The following TOX4 variants were observed in gnomAD, a reference collection of about 807,000 sequenced individuals.
TOX4 encodes TOX high mobility group box family member 4.
A neutral mutation model predicts 61.0 loss-of-function variants in TOX4; 12 were observed. The ratio of observed to expected loss-of-function variants is 0.20; its 90% CI spans 0.13 to 0.32. The LOEUF (loss-of-function observed/expected upper bound fraction) is 0.32. Among genes scored for constraint, TOX4 ranks in the 10% least tolerant of loss-of-function variants. The pLI, the probability that TOX4 is intolerant of heterozygous loss-of-function variation, is 1.00. For missense variants in TOX4, 499 were observed against 753.3 expected (o/e 0.66, Z 3.95); for synonymous variants, 268 against 274.8 (o/e 0.98, Z 0.24).
In TOX4 at chr14:21,488,343, G is replaced by T. The variant is rs1004898172; in HGVS notation, c.319-247G>T. 1.2e-4 allele frequency: 57 copies of T among 470,094 alleles called. No homozygotes were observed. In the Middle Eastern group the frequency reaches 2.4e-3, roughly 19 times the overall value. The allele number at this position is 470,094 out of a possible 1,614,324, so 29.1% of individuals were successfully genotyped here. Reference sequence around the variant, plus strand: ...GAATAAGTTGATAGCTCTTTGACTTGTCCAACAGTGCGACTTCTCTGATTA... The same window carrying T: ...GAATAAGTTGATAGCTCTTTGACTTTTCCAACAGTGCGACTTCTCTGATTA... On this transcript the variant is annotated intron_variant, in intron 3 of 8. Transcript: ENST00000448790.
chr14:21,492,165 A>T (rs1162973382), intron 5 of TOX4, 131 bp from the exon 6 acceptor site: 3 of 843,094 alleles, frequency 3.6e-6, no homozygotes, highest in Non-Finnish European at 5.5e-6. Context: ...TCAGAATTGA[A>T]TTCACTGATA....
Position 21,488,584 on chromosome 14 carries a change from T to C in TOX4, c.319-6T>C. 1 of 1,610,748 alleles carries C rather than the reference T, an allele frequency of 6.2e-7. No individual in the cohort carries two copies. The highest frequency in any genetic ancestry group is 8.5e-7 in the Non-Finnish European group (1 of 1,177,040). ...AGTGTTTAATTAGTCCTTCTGCTTC[T>C]CTCAGGACTTGGACCACTCTATAGG... On this transcript the variant is annotated splice_region_variant and splice_polypyrimidine_tract_variant and intron_variant, in intron 3 of 8. Coordinates refer to ENST00000448790, the MANE Select transcript of TOX4 (RefSeq NM_014828.4).
rs201647076 is a variant in TOX4, at chr14:21,492,747, T to C, written c.1131T>C (p.Ser377=). ...TTATTACCAAACAAATGTTGCCCTC[T>C]TCTATTACTATGTCTCAAGGAGGGA... ...KLIITKQMLP[S]SITMSQGGMV... The change falls in exon 7 of 9, where the codon TCT becomes TCC. Residue 377 remains serine (S), a synonymous_variant. Transcript: ENST00000448790. 85 of 1,614,120 alleles carry C rather than the reference T, an allele frequency of 5.3e-5. No homozygotes were observed. The highest frequency in any genetic ancestry group is 7.0e-5 in the Non-Finnish European group (83 of 1,180,020).
At chr14:21,492,449 A>G (rs1891311042) in intron 6 of TOX4, 59 bp from the exon 7 acceptor site, 1 of 1,611,194 alleles carries the variant, frequency 6.2e-7, no homozygotes, top group Non-Finnish European at 8.5e-7. Context: ...AGCAGTTTTA[A>G]GAAGTAAATA....
intron 2 of TOX4, among the ~76,000 whole-genome samples, chr14:21,478,468 T>C (rs2139615102): frequency 6.6e-6 from 1 of 152,126 alleles, no homozygotes; most frequent in South Asian, 2.1e-4. Flanking sequence ...TTATGCTGTT[T>C]TAAAGTAGAA....
At position 21,482,586 on chromosome 14, in the gene TOX4, G is replaced by A. The variant is rs1029958308; in HGVS notation, c.76-4865G>A. The A allele has an allele frequency of 6.8e-5, 32 of 469,876 alleles. No homozygotes were observed. In the East Asian group the frequency reaches 2.0e-3, roughly 30 times the overall value. The allele number at this position is 469,876 out of a possible 1,614,324, so 29.1% of individuals were successfully genotyped here. On this transcript the variant is annotated intron_variant, in intron 2 of 8. Coordinates refer to ENST00000448790, the MANE Select transcript of TOX4 (RefSeq NM_014828.4). ...CAAAAAGGCCCAGGAATTGAACAAAGGAGGAAAGGAAAGCTAAGTTAGAAG... is the reference window on the plus strand; with the variant it reads ...CAAAAAGGCCCAGGAATTGAACAAAAGAGGAAAGGAAAGCTAAGTTAGAAG...
intron 2 of TOX4, among the ~76,000 whole-genome samples, chr14:21,483,632 G>C (rs1757924592): frequency 6.6e-6 from 1 of 151,748 alleles, no homozygotes; most frequent in South Asian, 2.1e-4. Context: ...AGTGGTGATG[G>C]AGCCATGCAC....
intron 2 of TOX4, among the ~76,000 whole-genome samples, chr14:21,482,349 G>C (rs548347827): frequency 1.3e-5 from 2 of 152,268 alleles, no homozygotes; most frequent in South Asian, 4.1e-4. Context: ...ATGACCCATA[G>C]TACCAGCGTA....
rs1891430000 is a variant in TOX4 at position 21,497,514 on chromosome 14, GTTTTTTGTTTTTTTTTTTT to G, written c.*915_*933del. On this transcript the variant is annotated 3_prime_UTR_variant, in exon 9 of 9. Transcript: ENST00000448790. ...TCCTATGCATTCCTGTTTTCTGTGTGTTTTTTGTTTTTTTTTTTTTTTTTTTTTTTTGAGACAGAGTCTC... is the reference window on the plus strand; with the variant it reads ...TCCTATGCATTCCTGTTTTCTGTGTGTTTTTTTTTTTTGAGACAGAGTCTC... The G allele has an allele frequency of 1.9e-5, 1 of 51,610 alleles. No homozygotes were observed. The highest frequency in any genetic ancestry group is 4.0e-5 in the Non-Finnish European group (1 of 24,964). 3.2% of individuals were successfully genotyped at this position (51,610 alleles called of 1,614,324 possible).
intron 2 of TOX4, 54 bp from the exon 3 acceptor site, chr14:21,487,383 TTCTTCACTTAGTAG>T: frequency 1.3e-6 from 2 of 1,568,758 alleles, no homozygotes; most frequent in Middle Eastern, 3.4e-4. Context: ...CCCCATTATG[TTCTTCACTTAGTAG>T]TATGCCATTT....
chr14:21,482,066 T>C (rs1233298065), intron 2 of TOX4, among the ~76,000 whole-genome samples: 2 of 152,210 alleles, frequency 1.3e-5, no homozygotes, highest in Non-Finnish European at 2.9e-5. Context: ...AAATAAGAAA[T>C]AGTAATAATT....
chr14:21,496,692 G>C lies in TOX4; in HGVS notation c.*86G>C. 8.2e-7 allele frequency: 1 copy of C among 1,214,800 alleles called. No homozygotes were observed. The highest frequency in any genetic ancestry group is 1.2e-6 in the Non-Finnish European group (1 of 829,638). 75.3% of individuals were successfully genotyped at this position (1,214,800 alleles called of 1,614,324 possible). A position where few individuals can be genotyped will look rare whatever the true frequency, so the allele number is the denominator to read the frequency against. ...TTTTGAAACACAAGCTGGGCTTCTG[G>C]TAGTGCCTCATCACAACCCATGATG... On this transcript the variant is annotated 3_prime_UTR_variant, in exon 9 of 9. Transcript: ENST00000448790.
In TOX4 at chr14:21,492,632, C is replaced by A; in HGVS notation, c.1016C>A (p.Pro339Gln). ...PASIEPPALS[P>Q]SIVVNSTLSS... ...TCAATAGAGCCCCCTGCCCTGTCCC[C>A]ATCCATTGTTGTTAACTCCACCCTT... is the stretch of plus-strand genomic sequence containing the variant. The change falls in exon 7 of 9, where the codon CCA (proline) becomes CAA (glutamine). Residue 339 changes from proline to glutamine, a missense_variant. This residue lies in a region of TOX4 where 296 missense variants were observed against 404.7 expected (regional missense o/e 0.73). Transcript: ENST00000448790. 1 of 1,613,852 alleles carries A rather than the reference C, an allele frequency of 6.2e-7. No homozygotes were observed. Among genetic ancestry groups the A allele is most frequent in the Non-Finnish European group, 8.5e-7 (1 of 1,180,034 alleles).
chr14:21,478,876 T>C (rs1004866893), intron 2 of TOX4, among the ~76,000 whole-genome samples: 1 of 151,838 alleles, frequency 6.6e-6, no homozygotes, highest in African/African-American at 2.4e-5. Flanking sequence ...CGATCTTGGC[T>C]CACTGCAGCC....
intron 6 of TOX4, 65 bp downstream of exon 6, chr14:21,492,441 C>T (rs192157946): frequency 1.5e-4 from 242 of 1,610,080 alleles, no homozygotes; most frequent in South Asian, 9.3e-4. Context: ...TGTTTGTTAG[C>T]AGTTTTAAGA....
At chr14:21,490,893 T>G (rs1211710978) in intron 5 of TOX4, among the ~76,000 whole-genome samples, 5 of 152,232 alleles carry the variant, frequency 3.3e-5, no homozygotes, top group Non-Finnish European at 7.3e-5. Context: ...TGGTGCAATC[T>G]CAGCTTACTG....
chr14:21,491,604 C>T (rs982778510), intron 5 of TOX4, among the ~76,000 whole-genome samples: 2 of 151,194 alleles, frequency 1.3e-5, no homozygotes, highest in Non-Finnish European at 2.9e-5. Context: ...ACCTCGTGAT[C>T]TGGCCACCTT....
At chr14:21,488,886 A>AT in intron 4 of TOX4, 36 bp downstream of exon 4, 2 of 1,605,356 alleles carry the variant, frequency 1.2e-6, no homozygotes, top group South Asian at 1.1e-5. Flanking sequence ...TTCTGCTGTG[A>AT]TAGTCTGGGA....
intron 2 of TOX4, among the ~76,000 whole-genome samples, chr14:21,478,999 A>C (rs1891062394): frequency 1.1e-5 from 1 of 89,658 alleles, no homozygotes; most frequent in South Asian, 4.3e-4. Flanking sequence ...ATTTTTGTAG[A>C]GACGGGGTTT....
Sources: allele counts gnomAD v4.1 joint callset (sites outside exome capture counted in the v4.1 genomes callset), GRCh38; gene constraint gnomAD v4.1.1; regional missense constraint gnomAD v4.1.1; transcripts MANE v1.5; gene names NCBI Gene and HGNC (gene_info 2026-07-23, HGNC 2026-07-21).